CTNNA2: variants seen among roughly 807,000 people sequenced by gnomAD.
CTNNA2 encodes the protein catenin alpha 2.
A neutral mutation model predicts 101.0 loss-of-function variants in CTNNA2; 42 were observed. The observed-to-expected ratio is 0.42, with a 90% confidence interval of 0.32 to 0.54. The LOEUF is 0.54. CTNNA2 is among the 20% of genes least tolerant of loss of function. The pLI is 0.14. For missense variants in CTNNA2, 871 were observed against 1,223.1 expected, an observed-to-expected ratio of 0.71 and a Z score of 4.29; for synonymous variants, 450 against 456.4, an observed-to-expected ratio of 0.99 and a Z score of 0.18.
intron 3 of CTNNA2, among the ~76,000 whole-genome samples, chr2:79,857,704 A>G (rs1167949284): frequency 6.6e-6 from 1 of 152,200 alleles, no homozygotes; most frequent in Non-Finnish European, 1.5e-5. Context: ...CAGAGAGAGG[A>G]TGATTAAGCT....
At chr2:80,466,223 A>G (rs1684843495) in intron 9 of CTNNA2, among the ~76,000 whole-genome samples, 1 of 152,196 alleles carries the variant, frequency 6.6e-6, no homozygotes, top group Non-Finnish European at 1.5e-5. Flanking sequence ...GGAGTTATTT[A>G]GTCTTTATTG....
chr2:80,016,264 A>G (rs757214501), intron 7 of CTNNA2, among the ~76,000 whole-genome samples: 140 of 152,334 alleles, frequency 9.2e-4, no homozygotes, highest in Non-Finnish European at 1.6e-3. Context: ...CTGAGATAAC[A>G]GAGCTATTTT....
At chr2:80,373,279 T>C (rs1489568966) in intron 7 of CTNNA2, among the ~76,000 whole-genome samples, 3 of 152,220 alleles carry the variant, frequency 2.0e-5, no homozygotes, top group African/African-American at 7.2e-5. Context: ...TGCATGTATT[T>C]CTTCACTCCC....
intron 7 of CTNNA2, among the ~76,000 whole-genome samples, chr2:80,379,449 C>T (rs1007561): frequency 0.031 from 4,787 of 152,054 alleles, 257 homozygotes; most frequent in African/African-American, 0.11. Flanking sequence ...GAAAGTGTGG[C>T]TTTTCTCTTC....
intron 3 of CTNNA2, among the ~76,000 whole-genome samples, chr2:79,801,120 A>G (rs962449148): frequency 6.6e-6 from 1 of 152,174 alleles, no homozygotes; most frequent in Non-Finnish European, 1.5e-5. Flanking sequence ...GGTTTTGCTA[A>G]ATGTAAATTT....
Position 80,600,438 on chromosome 2 carries a change from G to A in CTNNA2, c.2190-3636G>A, listed in dbSNP as rs1372936301. Among the ~76,000 whole-genome samples, 3 of 151,876 alleles carry A rather than the reference G, an allele frequency of 2.0e-5. No individual in the cohort carries two copies. In the East Asian group the frequency reaches 5.8e-4, roughly 29 times the overall value. ...CCTAACATATAGACCAAGACTAGGA[G>A]TAATTTGCAGTATAACAAAAGATCA... is the stretch of plus-strand genomic sequence containing the variant. On this transcript the variant is annotated intron_variant, in intron 15 of 18. Coordinates refer to ENST00000402739, the MANE Select transcript of CTNNA2 (RefSeq NM_001282597.3).
intron 7 of CTNNA2, among the ~76,000 whole-genome samples, chr2:79,964,672 C>A (rs1283853497): frequency 6.6e-6 from 1 of 152,148 alleles, no homozygotes; most frequent in Non-Finnish European, 1.5e-5. Flanking sequence ...TACACAAGTT[C>A]TGGGTAAATG....
intron 2 of CTNNA2, among the ~76,000 whole-genome samples, chr2:79,666,650 C>T (rs1050648308): frequency 2.0e-5 from 3 of 152,220 alleles, no homozygotes; most frequent in South Asian, 2.1e-4. Flanking sequence ...GATTTTCAGA[C>T]GTTACTTCAA....
intron 18 of CTNNA2, among the ~76,000 whole-genome samples, chr2:80,630,823 TATG>T (rs1297724701): frequency 1.3e-5 from 2 of 152,108 alleles, no homozygotes. Flanking sequence ...TAATATATAT[TATG>T]ATGATGAGTA....
intron 1 of CTNNA2, among the ~76,000 whole-genome samples, chr2:79,566,645 T>C (rs1675132147): frequency 2.0e-5 from 3 of 152,148 alleles, no homozygotes; most frequent in East Asian, 3.9e-4. Context: ...TTATGATTAT[T>C]TGAGTGAAAG....
intron 2 of CTNNA2, among the ~76,000 whole-genome samples, chr2:79,737,348 CAAA>C (rs35471827): frequency 5.0e-5 from 5 of 99,450 alleles, no homozygotes; most frequent in African/African-American, 8.1e-5. Flanking sequence ...GACTCCGTCT[CAAA>C]AAAAAAAAAA....
At chr2:79,798,019 G>A (rs1675857221) in intron 3 of CTNNA2, among the ~76,000 whole-genome samples, 3 of 151,774 alleles carry the variant, frequency 2.0e-5, no homozygotes, top group Admixed American at 2.0e-4. Context: ...TAGATCTTTG[G>A]AATCACCCAG....
At chr2:79,923,358 G>A (rs187808436) in intron 7 of CTNNA2, among the ~76,000 whole-genome samples, 20 of 152,142 alleles carry the variant, frequency 1.3e-4, no homozygotes, top group Admixed American at 1.0e-3. Context: ...TCTGTACAGA[G>A]ATCTGACTTT....
chr2:80,109,458 C>G (rs955734740), intron 7 of CTNNA2, among the ~76,000 whole-genome samples: 1 of 149,040 alleles, frequency 6.7e-6, no homozygotes, highest in African/African-American at 2.6e-5. Flanking sequence ...GAGACTCTGT[C>G]TCAAGAAACA....
rs376868316 is a variant in CTNNA2 at position 79,530,286 on chromosome 2, C to CA, written c.-6+17087dup. On this transcript the variant is annotated intron_variant, in intron 1 of 18. Coordinates refer to ENST00000402739, the MANE Select transcript of CTNNA2 (RefSeq NM_001282597.3). ...TGTGCAAAATATGTTTTCAGTAAAA[C>CA]AAAAAAAAGCAGCATTTCTTGTTAA... Among the ~76,000 whole-genome samples the CA allele has an allele frequency of 1.6e-4, 24 of 151,658 alleles. No homozygotes were observed. In the East Asian group the frequency reaches 4.1e-3, roughly 26 times the overall value.
chr2:79,624,373 T>G (rs1679178410), intron 1 of CTNNA2, among the ~76,000 whole-genome samples: 1 of 152,180 alleles, frequency 6.6e-6, no homozygotes, highest in Admixed American at 6.5e-5. Flanking sequence ...GCTCACCTTC[T>G]AAATTTACTT....
intron 6 of CTNNA2, among the ~76,000 whole-genome samples, chr2:79,906,741 C>T (rs1558630547): frequency 6.6e-6 from 1 of 152,112 alleles, no homozygotes; most frequent in Non-Finnish European, 1.5e-5. Flanking sequence ...TCCTTGGGTT[C>T]TCATAGATAA....
At chr2:79,924,683 A>C (rs895001417) in intron 7 of CTNNA2, among the ~76,000 whole-genome samples, 1 of 152,106 alleles carries the variant, frequency 6.6e-6, no homozygotes, top group African/African-American at 2.4e-5. Context: ...AAAATGATCA[A>C]AGTGCATTAT....
intron 7 of CTNNA2, among the ~76,000 whole-genome samples, chr2:80,086,406 G>A (rs1415092550): frequency 6.6e-6 from 1 of 152,000 alleles, no homozygotes; most frequent in African/African-American, 2.4e-5. Flanking sequence ...AAGATAACAA[G>A]CAAACTAATG....
Sources: gnomAD v4.1 joint callset for allele counts (sites outside exome capture counted in the v4.1 genomes callset) on GRCh38, gnomAD v4.1.1 for gene constraint, MANE v1.5 for transcripts, NCBI Gene and HGNC (gene_info 2026-07-23, HGNC 2026-07-21) for gene names.